Variants in MAMDC2 observed in about 807,000 individuals in gnomAD.
MAMDC2 encodes MAM domain containing 2.
In MAMDC2, 57 loss-of-function variants were observed where a neutral mutation model predicts 89.8. The ratio of observed to expected loss-of-function variants is 0.63; its 90% CI spans 0.51 to 0.79. The LOEUF is 0.79. Among genes scored for constraint, MAMDC2 ranks in the 30% least tolerant of loss-of-function variants. The pLI is 0.00. For synonymous variants in MAMDC2, 313 were observed against 293.4 expected (o/e 1.07, Z -0.68); for missense variants, 800 against 820.6 (o/e 0.97, Z 0.31).
At chr9:70,050,150 T>A (rs1826860806) in intron 2 of MAMDC2, among the ~76,000 whole-genome samples, 1 of 152,194 alleles carries the variant, frequency 6.6e-6, no homozygotes, top group African/African-American at 2.4e-5. Context: ...CACAAAACAC[T>A]ACATTTTATG....
intron 2 of MAMDC2, among the ~76,000 whole-genome samples, chr9:70,087,872 C>T (rs1827804946): frequency 6.6e-6 from 1 of 152,134 alleles, no homozygotes; most frequent in African/African-American, 2.4e-5. Context: ...TGCACTCTTG[C>T]TACTTCTGTA....
chr9:70,194,197 T>A (rs965677162), intron 11 of MAMDC2: 2 of 152,090 alleles, frequency 1.3e-5, no homozygotes, highest in African/African-American at 4.8e-5. Flanking sequence ...ACCTGGGGAA[T>A]AATTACATGA....
At chr9:70,101,022 T>C (rs757984013) in intron 2 of MAMDC2, among the ~76,000 whole-genome samples, 9 of 152,240 alleles carry the variant, frequency 5.9e-5, no homozygotes, top group Non-Finnish European at 1.2e-4. Context: ...TGGGCATATA[T>C]GATGGTAGTC....
At chr9:70,221,941 C>T (rs575889163) in intron 12 of MAMDC2, among the ~76,000 whole-genome samples, 1 of 152,216 alleles carries the variant, frequency 6.6e-6, no homozygotes, top group African/African-American at 2.4e-5. Context: ...AGCCATCATA[C>T]AGCTTTAAGG....
intron 2 of MAMDC2, chr9:70,079,348 G>T (rs1827604967): frequency 1.3e-5 from 2 of 152,174 alleles, no homozygotes; most frequent in South Asian, 2.1e-4. Context: ...AGACACAGAA[G>T]CTCTCAAAGG....
chr9:70,090,403 G>C (rs9410609), intron 2 of MAMDC2, among the ~76,000 whole-genome samples: 1 of 149,432 alleles, frequency 6.7e-6, no homozygotes, highest in East Asian at 2.0e-4. Flanking sequence ...AGGATTGCTT[G>C]AACCCAGGAG....
intron 9 of MAMDC2, among the ~76,000 whole-genome samples, chr9:70,154,805 CT>C (rs1414879765): frequency 6.6e-6 from 1 of 152,136 alleles, no homozygotes; most frequent in Non-Finnish European, 1.5e-5. Flanking sequence ...AGCCACCGTG[CT>C]TGGCTTGTTT....
Position 70,189,484 on chromosome 9 carries a change from G to T in MAMDC2, c.1651+18853G>T, listed in dbSNP as rs556691525. On this transcript the variant is annotated intron_variant, in intron 11 of 13. Transcript: ENST00000377182. Reference sequence around the variant, plus strand: ...ATCCTGAAGTCAGCTGATTAGCAAAGAAAAAATTTTATTAATTAAAAAGAT... The same window carrying T: ...ATCCTGAAGTCAGCTGATTAGCAAATAAAAAATTTTATTAATTAAAAAGAT... Among the ~76,000 whole-genome samples, 62 of 152,146 alleles carry T rather than the reference G, an allele frequency of 4.1e-4. No individual in the cohort carries two copies. The South Asian group carries it at 0.012, about 29-fold the overall frequency.
chr9:70,135,849 A>G (rs2030982122), intron 7 of MAMDC2, among the ~76,000 whole-genome samples: 1 of 152,112 alleles, frequency 6.6e-6, no homozygotes, highest in Admixed American at 6.6e-5. Context: ...TCATTGCCCT[A>G]AAAACCCCCT....
At chr9:70,098,807 A>G (rs1201628795) in intron 2 of MAMDC2, among the ~76,000 whole-genome samples, 1 of 152,158 alleles carries the variant, frequency 6.6e-6, no homozygotes, top group Non-Finnish European at 1.5e-5. Context: ...CTGGTGAATT[A>G]ATTTTTGTCA....
At chr9:70,176,627 G>A (rs935972044) in intron 11 of MAMDC2, among the ~76,000 whole-genome samples, 1 of 152,020 alleles carries the variant, frequency 6.6e-6, no homozygotes, top group Admixed American at 6.6e-5. Context: ...TGTTTCATTT[G>A]CTTCAATATA....
chr9:70,170,639 A>T lies in MAMDC2; in HGVS notation c.1651+8A>T. On this transcript the variant is annotated splice_region_variant and intron_variant, in intron 11 of 13. Coordinates refer to ENST00000377182, the MANE Select transcript of MAMDC2 (RefSeq NM_153267.5). ...ATCACACTACTGGGGTAGGTGAGTTATGCCACGTGGTGCTGTTTCCTAAGG... is the reference window on the plus strand; with the variant it reads ...ATCACACTACTGGGGTAGGTGAGTTTTGCCACGTGGTGCTGTTTCCTAAGG... The T allele has an allele frequency of 6.3e-7, 1 of 1,582,340 alleles. No homozygotes were observed. Among genetic ancestry groups the T allele is most frequent in the East Asian group, 2.3e-5 (1 of 43,656 alleles).
At chr9:70,159,952 CTGTAA>C (rs2031908659) in intron 9 of MAMDC2, among the ~76,000 whole-genome samples, 1 of 152,000 alleles carries the variant, frequency 6.6e-6, no homozygotes. Context: ...TGACTCACAC[CTGTAA>C]TCCCAGCACT....
At chr9:70,050,265 A>G (rs1452016299) in intron 2 of MAMDC2, among the ~76,000 whole-genome samples, 1 of 152,192 alleles carries the variant, frequency 6.6e-6, no homozygotes, top group Non-Finnish European at 1.5e-5. Context: ...GGTGCTCGAT[A>G]TATATTTGTT....
rs532715330 is a variant in MAMDC2 at position 70,060,173 on chromosome 9, C to A, written c.148+15476C>A. 1.2e-4 allele frequency among the ~76,000 whole-genome samples: 19 copies of A among 152,228 alleles called. No individual in the cohort carries two copies. The South Asian group carries it at 3.5e-3, about 28-fold the overall frequency. On this transcript the variant is annotated intron_variant, in intron 2 of 13. Coordinates refer to ENST00000377182, the MANE Select transcript of MAMDC2 (RefSeq NM_153267.5). ...AGCTTTGTGTTTATTGTCTATCAAC[C>A]CTGTTAAACTCGAAGCAAAGAATCC...
At chr9:70,089,275 A>G (rs192062850) in intron 2 of MAMDC2, 1 of 152,296 alleles carries the variant, frequency 6.6e-6, no homozygotes, top group Admixed American at 6.5e-5. Context: ...CAAATTCCAG[A>G]GGGGCTTTCT....
chr9:70,123,156 C>G (rs944555987), intron 5 of MAMDC2, among the ~76,000 whole-genome samples: 1 of 152,224 alleles, frequency 6.6e-6, no homozygotes, highest in African/African-American at 2.4e-5. Context: ...ACTCAGTTCT[C>G]CCTGCTCATA....
chr9:70,187,377 A>G (rs1435027889), intron 11 of MAMDC2, among the ~76,000 whole-genome samples: 2 of 152,066 alleles, frequency 1.3e-5, no homozygotes, highest in Non-Finnish European at 2.9e-5. Flanking sequence ...TATTAAACCC[A>G]TTAACTGATT....
chr9:70,168,634 T>TC, intron 9 of MAMDC2, 68 bp from the exon 10 acceptor site: 2 of 1,293,144 alleles, frequency 1.5e-6, no homozygotes, highest in South Asian at 2.4e-5. Context: ...GCTAAGTGAA[T>TC]CCCAGGTTGT....
Sources: allele counts gnomAD v4.1 joint callset (sites outside exome capture counted in the v4.1 genomes callset), GRCh38; gene constraint gnomAD v4.1.1; transcripts MANE v1.5; gene names NCBI Gene and HGNC (gene_info 2026-07-23, HGNC 2026-07-21).